GNA14: variants seen among roughly 807,000 people sequenced by gnomAD.
The protein encoded by GNA14 is G protein subunit alpha 14.
GNA14 carries 50 observed loss-of-function variants against 42.0 expected under a neutral mutation model. The observed-to-expected ratio is 1.19, with a 90% CI of 0.95 to 1.51. The LOEUF (loss-of-function observed/expected upper bound fraction) is 1.51. Among genes scored for constraint, GNA14 ranks in the 40% most tolerant of loss-of-function variants. The pLI is 0.00. For synonymous variants in GNA14, 173 were observed against 163.1 expected, an observed-to-expected ratio of 1.06 and a Z score of -0.46; for missense variants, 473 against 446.2, an observed-to-expected ratio of 1.06 and a Z score of -0.54.
Position 77,428,981 on chromosome 9 carries a change from C to G in GNA14, c.649G>C (p.Glu217Gln), listed in dbSNP as rs747277213. 9.9e-6 allele frequency: 16 copies of G among 1,613,736 alleles called. No homozygotes were observed. The East Asian group carries it at 3.3e-4, about 34-fold the overall frequency. Residue 217 changes from glutamate (E) to glutamine (Q), a missense_variant, in exon 5 of 7, where the codon GAG becomes CAG. By Grantham distance (29) the Glu-to-Gln change is conservative. Coordinates refer to ENST00000341700, the MANE Select transcript of GNA14 (RefSeq NM_004297.4). ...AAGAAAATAATGGAGGTGACACTCTCAAAGCAGTGAATCCACTTCCGTCTT... is the reference window on the plus strand; with the variant it reads ...AAGAAAATAATGGAGGTGACACTCTGAAAGCAGTGAATCCACTTCCGTCTT... Reference protein sequence around the residue: ...SERRKWIHCFESVTSIIFLVA... With the variant: ...SERRKWIHCFQSVTSIIFLVA...
intron 1 of GNA14, among the ~76,000 whole-genome samples, chr9:77,614,526 C>T (rs781077231): frequency 1.1e-4 from 16 of 152,156 alleles, no homozygotes; most frequent in Non-Finnish European, 1.9e-4. Context: ...ACTTAATTCT[C>T]CAATCCTTTC....
At chr9:77,431,060 G>GTGTGTGTGTGTA (rs1835544251) in intron 4 of GNA14, among the ~76,000 whole-genome samples, 2 of 151,674 alleles carry the variant, frequency 1.3e-5, no homozygotes, top group Admixed American at 6.6e-5. Context: ...GTGTGTGTGT[G>GTGTGTGTGTGTA]TGTATGAGTG....
At chr9:77,620,600 G>A (rs1823903963) in intron 1 of GNA14, among the ~76,000 whole-genome samples, 1 of 152,096 alleles carries the variant, frequency 6.6e-6, no homozygotes, top group Non-Finnish European at 1.5e-5. Flanking sequence ...TGTAATCCCA[G>A]CACCTTGGGA....
In GNA14 at chr9:77,557,116, G is replaced by C. The variant is rs79029065; in HGVS notation, c.125-27863C>G. On this transcript the variant is annotated intron_variant, in intron 1 of 6. Coordinates refer to ENST00000341700, the MANE Select transcript of GNA14 (RefSeq NM_004297.4). ...ATAAGAACAAACCCGGGGGTCTAAG[G>C]GTGCCCCTCCACAGCAGCCTTGCCC... is the stretch of plus-strand genomic sequence containing the variant. 3.7e-3 allele frequency among the ~76,000 whole-genome samples: 562 copies of C among 152,254 alleles called. 1 individual carries two copies. Among genetic ancestry groups the C allele is most frequent in the Middle Eastern group, 0.024 (7 of 294 alleles).
At chr9:77,509,946 G>GT (rs1837133124) in intron 2 of GNA14, among the ~76,000 whole-genome samples, 1 of 152,246 alleles carries the variant, frequency 6.6e-6, no homozygotes, top group South Asian at 2.1e-4. Context: ...AGTAGTCTTT[G>GT]TTTTTTAATA....
intron 2 of GNA14, among the ~76,000 whole-genome samples, chr9:77,512,045 C>T (rs994569787): frequency 2.6e-5 from 4 of 152,120 alleles, no homozygotes; most frequent in Admixed American, 6.6e-5. Flanking sequence ...GGAAATGGCT[C>T]GAGGTGACAG....
chr9:77,642,928 C>T (rs1231922131), intron 1 of GNA14, among the ~76,000 whole-genome samples: 1 of 152,144 alleles, frequency 6.6e-6, no homozygotes, highest in Non-Finnish European at 1.5e-5. Flanking sequence ...ACCCAAGCCC[C>T]CATGCGCAGA....
At chr9:77,621,619 T>C (rs901083272) in intron 1 of GNA14, among the ~76,000 whole-genome samples, 5 of 152,164 alleles carry the variant, frequency 3.3e-5, no homozygotes, top group Non-Finnish European at 5.9e-5. Flanking sequence ...ATTAAATTAT[T>C]AGGTAAGAGA....
chr9:77,550,490 G>A (rs1837775159), intron 1 of GNA14, among the ~76,000 whole-genome samples: 1 of 152,098 alleles, frequency 6.6e-6, no homozygotes, highest in South Asian at 2.1e-4. Flanking sequence ...TAATACCCAG[G>A]ACAATTGGGA....
intron 1 of GNA14, among the ~76,000 whole-genome samples, chr9:77,540,133 C>A (rs1359878800): frequency 2.0e-5 from 3 of 152,050 alleles, no homozygotes; most frequent in African/African-American, 7.2e-5. Context: ...TCTGAACACT[C>A]CCTTCTCTGT....
chr9:77,460,281 G>A (rs1487621964), intron 2 of GNA14, among the ~76,000 whole-genome samples: 8 of 152,196 alleles, frequency 5.3e-5, no homozygotes, highest in Non-Finnish European at 8.8e-5. Context: ...GGCAGAGGCC[G>A]ACGTGAGGAT....
intron 2 of GNA14, among the ~76,000 whole-genome samples, chr9:77,494,660 A>G (rs1836842002): frequency 6.6e-6 from 1 of 152,256 alleles, no homozygotes; most frequent in African/African-American, 2.4e-5. Flanking sequence ...TTGTTTTAAA[A>G]GAGTTGGAAA....
chr9:77,478,617 T>C (rs929293772), intron 2 of GNA14, among the ~76,000 whole-genome samples: 1 of 152,186 alleles, frequency 6.6e-6, no homozygotes, highest in Non-Finnish European at 1.5e-5. Context: ...ACTTCCACAA[T>C]GGTTGAACTA....
At chr9:77,502,980 T>TA in intron 2 of GNA14, among the ~76,000 whole-genome samples, 1 of 152,322 alleles carries the variant, frequency 6.6e-6, no homozygotes, top group Non-Finnish European at 1.5e-5. Context: ...CTGGCATCTT[T>TA]AGCTCAGAGT....
intron 1 of GNA14, among the ~76,000 whole-genome samples, chr9:77,620,575 G>A (rs150165536): frequency 0.016 from 2,436 of 152,188 alleles, 25 homozygotes; most frequent in Non-Finnish European, 0.025. Context: ...ATTGCTGGGC[G>A]TGGTGGCTCG....
Position 77,423,407 on chromosome 9 carries a change from T to C in GNA14, c.*572A>G, listed in dbSNP as rs540711434. 1 of 152,140 alleles carries C rather than the reference T, an allele frequency of 6.6e-6. No homozygotes were observed. Among genetic ancestry groups the C allele is most frequent in the South Asian group, 2.1e-4 (1 of 4,822 alleles). 9.4% of individuals were successfully genotyped at this position (152,140 alleles called of 1,614,324 possible). A position where few individuals can be genotyped will look rare whatever the true frequency, so the allele number is the denominator to read the frequency against. On this transcript the variant is annotated 3_prime_UTR_variant, in exon 7 of 7. Transcript: ENST00000341700. ...TAGATATACTTATATATCCATTAAT[T>C]TGGCTTAGAAAGTTAACACACAAAA...
At chr9:77,546,215 CAAAAAAAAA>C (rs764378681) in intron 1 of GNA14, among the ~76,000 whole-genome samples, 492 of 42,928 alleles carry the variant, frequency 0.011, 3 homozygotes, top group African/African-American at 0.032. Context: ...AGCTCCATCT[CAAAAAAAAA>C]AAAAAAAAAA....
intron 3 of GNA14, 102 bp from the exon 4 acceptor site, chr9:77,431,551 A>T: frequency 1.0e-6 from 1 of 988,556 alleles, no homozygotes; most frequent in Non-Finnish European, 1.5e-6. Context: ...AGCCCCACAC[A>T]GACACACGAA....
At chr9:77,515,084 A>T (rs35814566) in intron 2 of GNA14, among the ~76,000 whole-genome samples, 28,642 of 152,100 alleles carry the variant, frequency 0.19, 2,958 homozygotes, top group East Asian at 0.4. Flanking sequence ...TGCGAGAGAC[A>T]CGTTCAAGAA....
Sources: allele counts gnomAD v4.1 joint callset (sites outside exome capture counted in the v4.1 genomes callset), GRCh38; gene constraint gnomAD v4.1.1; transcripts MANE v1.5; gene names NCBI Gene and HGNC (gene_info 2026-07-23, HGNC 2026-07-21).